DOCK3: variants seen among roughly 807,000 people sequenced by gnomAD.
DOCK3 encodes the protein dedicator of cytokinesis 3.
DOCK3 carries 60 observed loss-of-function variants against 265.6 expected under a neutral mutation model. The observed-to-expected ratio is 0.23, with a 90% confidence interval of 0.18 to 0.28. DOCK3 has a LOEUF of 0.28. Ranked by LOEUF, DOCK3 falls within the 10% of genes least tolerant of loss-of-function variation. The pLI is 1.00. For synonymous variants in DOCK3, 881 were observed against 938.0 expected, an observed-to-expected ratio of 0.94 and a Z score of 1.11; for missense variants, 1,981 against 2,594.3, an observed-to-expected ratio of 0.76 and a Z score of 5.14.
At chr3:50,989,383 CAG>C (rs564596157) in intron 5 of DOCK3, among the ~76,000 whole-genome samples, 31 of 152,258 alleles carry the variant, frequency 2.0e-4, no homozygotes, top group South Asian at 4.1e-4. Context: ...AGCTAGCAGT[CAG>C]GGGGGAGAGG....
At chr3:50,861,035 T>A (rs757465835) in intron 3 of DOCK3, among the ~76,000 whole-genome samples, 10 of 152,194 alleles carry the variant, frequency 6.6e-5, no homozygotes, top group Non-Finnish European at 1.2e-4. Context: ...GACTGAAGAC[T>A]GAAAGTCCTG....
chr3:51,012,357 C>A (rs754045528), intron 5 of DOCK3, among the ~76,000 whole-genome samples: 2 of 152,226 alleles, frequency 1.3e-5, no homozygotes, highest in African/African-American at 4.8e-5. Flanking sequence ...GGCAGGCACC[C>A]TCCTCCAGCC....
intron 12 of DOCK3, among the ~76,000 whole-genome samples, chr3:51,190,939 C>T (rs2087902626): frequency 6.6e-6 from 1 of 152,144 alleles, no homozygotes; most frequent in Non-Finnish European, 1.5e-5. Context: ...GGTAATGTTC[C>T]ATGGAGGAAG....
intron 31 of DOCK3, among the ~76,000 whole-genome samples, chr3:51,314,408 T>A (rs2083254037): frequency 6.6e-6 from 1 of 152,104 alleles, no homozygotes; most frequent in South Asian, 2.1e-4. Context: ...CCTTTTAGGG[T>A]AGGGCTGTGC....
intron 41 of DOCK3, among the ~76,000 whole-genome samples, chr3:51,355,655 T>C (rs985679266): frequency 6.6e-6 from 1 of 152,216 alleles, no homozygotes; most frequent in African/African-American, 2.4e-5. Context: ...TGGACTCTTA[T>C]CTGCTTTTTT....
At chr3:51,154,960 C>T (rs1404931414) in intron 10 of DOCK3, among the ~76,000 whole-genome samples, 13 of 151,966 alleles carry the variant, frequency 8.6e-5, no homozygotes, top group Non-Finnish European at 1.8e-4. Context: ...TGTAGTGCAG[C>T]CCTGAATTTA....
chr3:51,160,703 G>A lies in DOCK3; in HGVS notation c.1037+1G>A, dbSNP rs1378797018. 1 of 1,610,746 alleles carries A rather than the reference G, an allele frequency of 6.2e-7. No individual in the cohort carries two copies. Among genetic ancestry groups the A allele is most frequent in the Non-Finnish European group, 8.5e-7 (1 of 1,178,734 alleles). Reference sequence around the variant, plus strand: ...AGGATTTTGTTCTTAAGGTTTACACGTGAGTAATGGACATCAGGAATATTA... The same window carrying A: ...AGGATTTTGTTCTTAAGGTTTACACATGAGTAATGGACATCAGGAATATTA... On this transcript the variant is annotated splice_donor_variant, in intron 12 of 52. Transcript: ENST00000266037. LOFTEE classifies it high-confidence loss of function.
chr3:50,802,241 T>A (rs1329257358), intron 2 of DOCK3, among the ~76,000 whole-genome samples: 2 of 152,174 alleles, frequency 1.3e-5, no homozygotes, highest in African/African-American at 4.8e-5. Context: ...GTTTTCTGAT[T>A]GTTTTGTATA....
intron 1 of DOCK3, among the ~76,000 whole-genome samples, chr3:50,718,559 A>T (rs2037271214): frequency 6.6e-6 from 1 of 152,032 alleles, no homozygotes; most frequent in Admixed American, 6.6e-5. Context: ...ATTCTGTGTC[A>T]GTGTTTCTTG....
At chr3:50,803,052 T>TTATG (rs1284886466) in intron 2 of DOCK3, among the ~76,000 whole-genome samples, 9 of 150,278 alleles carry the variant, frequency 6.0e-5, no homozygotes, top group African/African-American at 1.7e-4. Flanking sequence ...TTTTATGTAT[T>TTATG]TATGTATTTA....
chr3:50,753,107 T>C (rs1197137237), intron 1 of DOCK3, among the ~76,000 whole-genome samples: 2 of 152,174 alleles, frequency 1.3e-5, no homozygotes, highest in Admixed American at 1.3e-4. Flanking sequence ...TTTGATGAAA[T>C]TCAAAATATA....
chr3:50,973,998 C>T (rs933608212), intron 5 of DOCK3, among the ~76,000 whole-genome samples: 7 of 148,560 alleles, frequency 4.7e-5, no homozygotes, highest in Non-Finnish European at 9.0e-5. Flanking sequence ...TTGTTTTTTT[C>T]TTGTAAATTT....
chr3:51,049,832 A>ACACC (rs1559990029), intron 5 of DOCK3, among the ~76,000 whole-genome samples: 5 of 64,454 alleles, frequency 7.8e-5, no homozygotes, highest in African/African-American at 2.4e-4. Context: ...CACACACCCC[A>ACACC]AAAAAACACT....
intron 6 of DOCK3, among the ~76,000 whole-genome samples, chr3:51,069,564 A>G (rs1438765354): frequency 6.7e-6 from 1 of 149,904 alleles, no homozygotes; most frequent in Non-Finnish European, 1.5e-5. Context: ...GTGTGTATAT[A>G]TATGTGTGTA....
intron 9 of DOCK3, among the ~76,000 whole-genome samples, chr3:51,095,876 A>AAAAAAAAATT (rs2082831476): frequency 7.3e-6 from 1 of 137,698 alleles, no homozygotes; most frequent in Non-Finnish European, 1.5e-5. Context: ...AAAAAAAAAA[A>AAAAAAAAATT]GAATGTTGAC....
intron 2 of DOCK3, among the ~76,000 whole-genome samples, chr3:50,785,616 A>C (rs970789294): frequency 6.6e-6 from 1 of 152,130 alleles, no homozygotes; most frequent in African/African-American, 2.4e-5. Flanking sequence ...TATCACGTTT[A>C]TTGACTTGCC....
At chr3:50,788,823 T>G in intron 2 of DOCK3, among the ~76,000 whole-genome samples, 1 of 151,956 alleles carries the variant, frequency 6.6e-6, no homozygotes, top group Admixed American at 6.5e-5. Flanking sequence ...GGTGTGTGGA[T>G]GTACGTGCAG....
intron 5 of DOCK3, among the ~76,000 whole-genome samples, chr3:50,949,432 A>T (rs149515758): frequency 1.7e-3 from 265 of 152,298 alleles, no homozygotes; most frequent in Non-Finnish European, 3.2e-3. Context: ...TGCAAATTAA[A>T]AATTTATCCA....
At chr3:51,077,870 A>T (rs1437021937) in intron 7 of DOCK3, among the ~76,000 whole-genome samples, 1 of 152,192 alleles carries the variant, frequency 6.6e-6, no homozygotes, top group Non-Finnish European at 1.5e-5. Context: ...TCTAGGACTG[A>T]ATTAGATAAC....
Sources: allele counts gnomAD v4.1 joint callset (sites outside exome capture counted in the v4.1 genomes callset), GRCh38; gene constraint gnomAD v4.1.1; transcripts MANE v1.5; gene names NCBI Gene and HGNC (gene_info 2026-07-23, HGNC 2026-07-21).